LRRC4C: variants seen among roughly 807,000 people sequenced by gnomAD.
The protein encoded by LRRC4C is leucine rich repeat containing 4C.
A neutral mutation model predicts 33.6 loss-of-function variants in LRRC4C; 5 were observed. That is an observed-to-expected ratio of 0.15 (90% CI 0.08 to 0.31). The LOEUF (loss-of-function observed/expected upper bound fraction) is 0.31, where lower values mean the gene tolerates loss of function less well. LRRC4C is among the 10% of genes least tolerant of loss of function. LRRC4C has a pLI of 1.00. For synonymous variants in LRRC4C, 329 were observed against 302.0 expected (o/e 1.09, Z -0.93); for missense variants, 560 against 796.7 (o/e 0.70, Z 3.58).
At chr11:41,409,860 T>C (rs1225145767) in intron 1 of LRRC4C, among the ~76,000 whole-genome samples, 1 of 152,230 alleles carries the variant, frequency 6.6e-6, no homozygotes, top group Non-Finnish European at 1.5e-5. Flanking sequence ...TTTGTATAGA[T>C]AATGACTGCC....
chr11:40,959,497 G>A (rs1959103879), intron 1 of LRRC4C, among the ~76,000 whole-genome samples: 1 of 151,466 alleles, frequency 6.6e-6, no homozygotes, highest in South Asian at 2.1e-4. Context: ...TATATTTAAT[G>A]CCAAAATGTT....
intron 1 of LRRC4C, among the ~76,000 whole-genome samples, chr11:41,138,332 C>A (rs1193442667): frequency 6.6e-6 from 1 of 152,138 alleles, no homozygotes; most frequent in Non-Finnish European, 1.5e-5. Context: ...CTGGAAAAAA[C>A]AAGATTGGTG....
Position 40,335,678 on chromosome 11 carries a change from T to C in LRRC4C, c.-269-15957A>G, listed in dbSNP as rs116185461. 5.2e-3 allele frequency among the ~76,000 whole-genome samples: 789 copies of C among 152,332 alleles called. 5 individuals are homozygous for C. The highest frequency in any genetic ancestry group is 0.018 in the African/African-American group (750 of 41,562). On this transcript the variant is annotated intron_variant, in intron 3 of 6. Coordinates refer to ENST00000528697, the MANE Select transcript of LRRC4C (RefSeq NM_001258419.2). ...ACACTCTTCTGCTTCTGATTATACC[T>C]ACATCATGGAAGACTTCACTTTTTA...
chr11:41,027,436 A>T (rs1856450396), intron 1 of LRRC4C, among the ~76,000 whole-genome samples: 1 of 151,630 alleles, frequency 6.6e-6, no homozygotes, highest in Non-Finnish European at 1.5e-5. Flanking sequence ...ACAATCTAAA[A>T]CTTAGCACTC....
rs1323002365 is a variant in LRRC4C, at chr11:41,450,118, G to A, written c.-496+9313C>T. Among the ~76,000 whole-genome samples the A allele has an allele frequency of 3.3e-5, 5 of 152,234 alleles. No homozygotes were observed. In the East Asian group the frequency reaches 5.8e-4, roughly 18 times the overall value. ...TCAACTCTTCATGGTTGTGTTAAGT[G>A]CCATTCCATTCTGAGCTGGCAGTTC... On this transcript the variant is annotated intron_variant, in intron 1 of 6. Coordinates refer to ENST00000528697, the MANE Select transcript of LRRC4C (RefSeq NM_001258419.2).
chr11:40,507,342 C>T (rs1955082873), intron 3 of LRRC4C, among the ~76,000 whole-genome samples: 1 of 152,042 alleles, frequency 6.6e-6, no homozygotes, highest in Non-Finnish European at 1.5e-5. Flanking sequence ...TAGGAAAAGG[C>T]AGCTTACTAA....
chr11:40,712,437 G>A (rs981268384), intron 2 of LRRC4C, among the ~76,000 whole-genome samples: 1 of 152,132 alleles, frequency 6.6e-6, no homozygotes, highest in Admixed American at 6.5e-5. Context: ...AAATATTTTT[G>A]AAAAAGGTAA....
chr11:40,197,302 T>C (rs1454636849), intron 5 of LRRC4C, among the ~76,000 whole-genome samples: 1 of 152,172 alleles, frequency 6.6e-6, no homozygotes, highest in African/African-American at 2.4e-5. Flanking sequence ...CCATGGGAGT[T>C]TATAATTAAT....
intron 1 of LRRC4C, among the ~76,000 whole-genome samples, chr11:41,246,889 G>A (rs903208832): frequency 6.6e-6 from 1 of 152,204 alleles, no homozygotes; most frequent in Non-Finnish European, 1.5e-5. Flanking sequence ...TTCGGGTAGA[G>A]AAATTCTGAA....
chr11:41,437,655 T>G (rs185830376), intron 1 of LRRC4C, among the ~76,000 whole-genome samples: 3 of 152,356 alleles, frequency 2.0e-5, no homozygotes, highest in Admixed American at 6.5e-5. Context: ...ATTCACTCAT[T>G]ACATCTTTGT....
At chr11:40,816,638 A>G (rs959775119) in intron 2 of LRRC4C, among the ~76,000 whole-genome samples, 1 of 152,134 alleles carries the variant, frequency 6.6e-6, no homozygotes, top group Non-Finnish European at 1.5e-5. Context: ...TTAGCATTAT[A>G]CTCGTGGATA....
intron 1 of LRRC4C, among the ~76,000 whole-genome samples, chr11:41,364,932 T>G (rs1174956070): frequency 6.6e-6 from 1 of 152,144 alleles, no homozygotes; most frequent in Non-Finnish European, 1.5e-5. Flanking sequence ...TCAGAAATTT[T>G]CAAAGTTATT....
intron 1 of LRRC4C, among the ~76,000 whole-genome samples, chr11:41,030,634 G>A (rs924085748): frequency 1.3e-5 from 2 of 151,752 alleles, no homozygotes; most frequent in African/African-American, 4.8e-5. Flanking sequence ...ATCATCAGCC[G>A]CTTGGTGAAA....
At chr11:40,867,088 T>G (rs2135905717) in intron 2 of LRRC4C, among the ~76,000 whole-genome samples, 1 of 152,346 alleles carries the variant, frequency 6.6e-6, no homozygotes, top group African/African-American at 2.4e-5. Context: ...ATCCTTTTCC[T>G]TTCAAATCTT....
At chr11:41,450,701 T>G (rs1955990449) in intron 1 of LRRC4C, among the ~76,000 whole-genome samples, 1 of 152,154 alleles carries the variant, frequency 6.6e-6, no homozygotes, top group Non-Finnish European at 1.5e-5. Context: ...ACAGCTATTG[T>G]GTCAATTTTG....
chr11:40,440,293 CTCTT>C (rs1410371213), intron 3 of LRRC4C, among the ~76,000 whole-genome samples: 5 of 130,570 alleles, frequency 3.8e-5, no homozygotes, highest in East Asian at 2.4e-4. Flanking sequence ...TTAGTTTGGT[CTCTT>C]TCTTTTTTTT....
At chr11:41,271,711 A>T (rs910868754) in intron 1 of LRRC4C, among the ~76,000 whole-genome samples, 6 of 152,122 alleles carry the variant, frequency 3.9e-5, no homozygotes, top group Non-Finnish European at 5.9e-5. Flanking sequence ...TGTATGTGTC[A>T]TGAGACCAGG....
At chr11:41,078,318 C>T (rs1939308342) in intron 1 of LRRC4C, among the ~76,000 whole-genome samples, 1 of 152,190 alleles carries the variant, frequency 6.6e-6, no homozygotes, top group African/African-American at 2.4e-5. Context: ...GTTGCTTTCA[C>T]ATTTTCAGGT....
chr11:41,066,730 A>G (rs1041071754), intron 1 of LRRC4C, among the ~76,000 whole-genome samples: 1 of 152,210 alleles, frequency 6.6e-6, no homozygotes, highest in Admixed American at 6.5e-5. Context: ...CAGAAACCCT[A>G]CATGCCAGAA....
Sources: gnomAD v4.1 joint callset for allele counts (sites outside exome capture counted in the v4.1 genomes callset) on GRCh38, gnomAD v4.1.1 for gene constraint, MANE v1.5 for transcripts, NCBI Gene and HGNC (gene_info 2026-07-23, HGNC 2026-07-21) for gene names.